UNC13B: variants seen among roughly 807,000 people sequenced by gnomAD.
UNC13B encodes protein unc-13 homolog B.
UNC13B carries 144 observed loss-of-function variants against 211.0 expected under a neutral mutation model. The ratio of observed to expected loss-of-function variants is 0.68; its 90% CI spans 0.60 to 0.78. The LOEUF is 0.78. Among genes scored for constraint, UNC13B ranks in the 30% least tolerant of loss-of-function variants. The probability of loss-of-function intolerance (pLI) is 0.00; values close to 1 mark genes in which losing one functional copy is unlikely to be tolerated. For synonymous variants in UNC13B, 709 were observed against 725.8 expected, an observed-to-expected ratio of 0.98 and a Z score of 0.37; for missense variants, 1,777 against 2,002.0, an observed-to-expected ratio of 0.89 and a Z score of 2.14.
chr9:35,287,188 A>C (rs1327672401), intron 7 of UNC13B, among the ~76,000 whole-genome samples: 5 of 144,884 alleles, frequency 3.5e-5, no homozygotes, highest in African/African-American at 1.3e-4. Flanking sequence ...GCTGGAGTGC[A>C]TTGGCATGAT....
At chr9:35,193,892 T>C (rs961403782) in intron 1 of UNC13B, among the ~76,000 whole-genome samples, 4 of 152,132 alleles carry the variant, frequency 2.6e-5, no homozygotes, top group Admixed American at 6.5e-5. Context: ...ATGTGCCTCA[T>C]GAAGAGGATC....
At chr9:35,325,409 T>C (rs1587623248) in intron 11 of UNC13B, among the ~76,000 whole-genome samples, 1 of 152,194 alleles carries the variant, frequency 6.6e-6, no homozygotes, top group Non-Finnish European at 1.5e-5. Context: ...TTCCCTCTGC[T>C]TACACAGCTT....
intron 11 of UNC13B, among the ~76,000 whole-genome samples, chr9:35,333,228 A>G (rs1327119643): frequency 1.3e-5 from 2 of 152,240 alleles, no homozygotes; most frequent in Admixed American, 1.3e-4. Context: ...CCTGGCACCC[A>G]CTAAACTCTT....
At chr9:35,230,991 C>G (rs1174719384) in intron 2 of UNC13B, 129 bp from the exon 3 acceptor site, 2 of 605,752 alleles carry the variant, frequency 3.3e-6, no homozygotes, top group African/African-American at 3.7e-5. Context: ...CTATGTTGTA[C>G]AATATAGCTT....
chr9:35,380,313 G>A (rs1373196232), intron 17 of UNC13B, among the ~76,000 whole-genome samples, 157 bp from the exon 18 acceptor site: 1 of 152,092 alleles, frequency 6.6e-6, no homozygotes, highest in Non-Finnish European at 1.5e-5. Context: ...TGCTAGGATA[G>A]CCCAACTTTC....
Position 35,162,270 on chromosome 9 carries a change from C to G in UNC13B, c.-14C>G, listed in dbSNP as rs976343725. 1 of 1,540,560 alleles carries G rather than the reference C, an allele frequency of 6.5e-7. No homozygotes were observed. Among genetic ancestry groups the G allele is most frequent in the Non-Finnish European group, 8.7e-7 (1 of 1,147,392 alleles). On this transcript the variant is annotated 5_prime_UTR_variant, in exon 1 of 40. Transcript: ENST00000635942. ...GCGGCTGGGGCGCGGCAGAGGCTTG[C>G]CCGATCCTCGGCCATGTCACTGCTC...
At chr9:35,396,231 A>G (rs560567472) in intron 26 of UNC13B, among the ~76,000 whole-genome samples, 1 of 152,360 alleles carries the variant, frequency 6.6e-6, no homozygotes, top group African/African-American at 2.4e-5. Context: ...CGCTAGAGCA[A>G]AAAGACTGCA....
intron 11 of UNC13B, among the ~76,000 whole-genome samples, chr9:35,314,874 CTTTTTTTTTTT>C (rs765803997): frequency 6.1e-4 from 35 of 57,780 alleles, no homozygotes; most frequent in East Asian, 5.0e-3. Flanking sequence ...GATTCCGTAT[CTTTTTTTTTTT>C]TTTTTTTTTT....
intron 7 of UNC13B, chr9:35,291,095 G>T (rs1829077200): frequency 6.5e-7 from 1 of 1,550,268 alleles, no homozygotes; most frequent in Non-Finnish European, 8.7e-7. Context: ...GGGCTGGGGA[G>T]AACAACAGAG....
rs1020483991 is a variant in UNC13B, at chr9:35,307,442, C to T, written c.8038C>T (p.Pro2680Ser). The T allele has an allele frequency of 6.0e-5, 24 of 399,032 alleles. No individual in the cohort carries two copies. The highest frequency in any genetic ancestry group is 4.7e-4 in the African/African-American group (23 of 48,602). 24.7% of individuals were successfully genotyped at this position (399,032 alleles called of 1,614,324 possible). The change falls in exon 9 of 40, where the codon CCA (proline) becomes TCA (serine). Residue 2680 changes from proline to serine, a missense_variant. Coordinates refer to ENST00000635942, the MANE Select transcript of UNC13B (RefSeq NM_001371189.2). ...IQPPLPLEPE[P>S]AIQTASTNQD... ...GCCACCTCTTCCTCTTGAGCCAGAG[C>T]CAGCTATTCAAACTGCCTCCACAAA...
In UNC13B at chr9:35,308,075, A is replaced by G. The variant is rs1293465305; in HGVS notation, c.8671A>G (p.Ser2891Gly). ...ALKSSQISGA[S>G]AQPGKVYTQP... ...GAAGTCTTCTCAAATATCTGGGGCC[A>G]GTGCTCAGCCAGGTAAAGTCTACAC... Residue 2891 changes from serine to glycine, a missense_variant, in exon 9 of 40, where the codon AGT (serine) becomes GGT (glycine). Ser to Gly is a moderately conservative substitution (Grantham distance 56). Transcript: ENST00000635942. 2.5e-6 allele frequency: 1 copy of G among 399,094 alleles called. No individual in the cohort carries two copies. The highest frequency in any genetic ancestry group is 4.4e-6 in the Non-Finnish European group (1 of 226,250). The allele number at this position is 399,094 out of a possible 1,614,324, so 24.7% of individuals were successfully genotyped here.
chr9:35,300,923 G>T lies in UNC13B; in HGVS notation c.1519G>T (p.Gly507Trp). The T allele has an allele frequency of 5.0e-6, 2 of 398,898 alleles. No individual in the cohort carries two copies. The highest frequency in any genetic ancestry group is 4.4e-6 in the Non-Finnish European group (1 of 226,000). The allele number at this position is 398,898 out of a possible 1,614,324, so 24.7% of individuals were successfully genotyped here. A position where few individuals can be genotyped will look rare whatever the true frequency, so the allele number is the denominator to read the frequency against. Residue 507 changes from glycine (G) to tryptophan (W), a missense_variant, in exon 9 of 40, where the codon GGG becomes TGG. Gly to Trp is a radical substitution (Grantham distance 184, BLOSUM62 -2). Transcript: ENST00000635942. ...TCTTGATGCAGAACAGAGAACGCCT[G>T]GGGATCAAATACCACCTTTAACTAT... ...STLDAEQRTP[G>W]DQIPPLTIVK...
chr9:35,341,784 G>A, intron 11 of UNC13B: 1 of 242,808 alleles, frequency 4.1e-6, no homozygotes, highest in Non-Finnish European at 6.6e-6. Context: ...GGGGGTGTGT[G>A]CGCCAGGAAC....
chr9:35,320,653 C>G (rs567665673), intron 11 of UNC13B, among the ~76,000 whole-genome samples: 1 of 152,290 alleles, frequency 6.6e-6, no homozygotes, highest in East Asian at 1.9e-4. Context: ...TCTTTTAAAA[C>G]CCAGTCAGCT....
chr9:35,206,895 C>T (rs1462528064), intron 1 of UNC13B, among the ~76,000 whole-genome samples: 1 of 148,658 alleles, frequency 6.7e-6, no homozygotes, highest in Non-Finnish European at 1.5e-5. Flanking sequence ...AAAAAACACA[C>T]ACACAAAAAC....
chr9:35,334,674 C>T (rs1831552837), intron 11 of UNC13B, among the ~76,000 whole-genome samples: 1 of 152,188 alleles, frequency 6.6e-6, no homozygotes, highest in Non-Finnish European at 1.5e-5. Flanking sequence ...AACTGATCAC[C>T]AATTCTTAGC....
chr9:35,190,631 G>T (rs1822605855), intron 1 of UNC13B, among the ~76,000 whole-genome samples: 1 of 152,036 alleles, frequency 6.6e-6, no homozygotes, highest in South Asian at 2.1e-4. Context: ...TTATCTTAGG[G>T]CCTGTCATAT....
intron 1 of UNC13B, among the ~76,000 whole-genome samples, chr9:35,164,101 C>G (rs1820911008): frequency 6.6e-6 from 1 of 152,182 alleles, no homozygotes; most frequent in South Asian, 2.1e-4. Context: ...ACTGCAACCT[C>G]CACCTCCTGG....
chr9:35,386,090 T>C, intron 23 of UNC13B, 75 bp from the exon 24 acceptor site: 2 of 1,594,188 alleles, frequency 1.3e-6, no homozygotes, highest in Non-Finnish European at 1.7e-6. Flanking sequence ...TAGAGTAGGT[T>C]TGGGGTAGTG....
Sources: gnomAD v4.1 joint callset for allele counts (sites outside exome capture counted in the v4.1 genomes callset) on GRCh38, gnomAD v4.1.1 for gene constraint, MANE v1.5 for transcripts, NCBI Gene and HGNC (gene_info 2026-07-23, HGNC 2026-07-21) for gene names.